CSMD3: variants seen among roughly 807,000 people sequenced by gnomAD.
CSMD3 encodes CUB and Sushi multiple domains 3.
Under a neutral mutation model 435.2 loss-of-function variants are expected in CSMD3, and 177 were observed. The ratio of observed to expected loss-of-function variants is 0.41; its 90% CI spans 0.36 to 0.46. The LOEUF is 0.46. Ranked by LOEUF, CSMD3 falls within the 20% of genes least tolerant of loss-of-function variation. The pLI, the probability that CSMD3 is intolerant of heterozygous loss-of-function variation, is 0.34. For synonymous variants in CSMD3, 1,656 were observed against 1,520.5 expected (o/e 1.09, Z -2.07); for missense variants, 4,265 against 4,504.6 (o/e 0.95, Z 1.52).
intron 3 of CSMD3, among the ~76,000 whole-genome samples, 182 bp downstream of exon 3, chr8:113,278,410 A>G (rs1209810721): frequency 1.3e-5 from 2 of 151,836 alleles, no homozygotes; most frequent in Non-Finnish European, 2.9e-5. Context: ...AGTGATATAA[A>G]ATATTAAAAC....
chr8:112,606,972 G>GAAAAAAAAAA (rs71309778), intron 22 of CSMD3, among the ~76,000 whole-genome samples: 1 of 36,644 alleles, frequency 2.7e-5, no homozygotes, highest in Non-Finnish European at 4.7e-5. Context: ...CTCAAGCTAT[G>GAAAAAAAAAA]AAAAAAAAAA....
At chr8:112,577,293 T>C (rs1830017955) in intron 23 of CSMD3, among the ~76,000 whole-genome samples, 1 of 152,012 alleles carries the variant, frequency 6.6e-6, no homozygotes, top group Non-Finnish European at 1.5e-5. Flanking sequence ...TAACCAAAGA[T>C]AAATTACTTT....
intron 1 of CSMD3, among the ~76,000 whole-genome samples, chr8:113,357,548 A>G (rs1165219590): frequency 6.6e-6 from 1 of 152,242 alleles, no homozygotes; most frequent in Admixed American, 6.5e-5. Flanking sequence ...AATAAACACA[A>G]CGTTGTTGTA....
chr8:112,959,451 C>T (rs907849529), intron 7 of CSMD3, among the ~76,000 whole-genome samples: 1 of 151,826 alleles, frequency 6.6e-6, no homozygotes, highest in Non-Finnish European at 1.5e-5. Flanking sequence ...ACCTATAATT[C>T]AATCATATCA....
chr8:113,082,648 AAAT>A (rs767971131), intron 5 of CSMD3, among the ~76,000 whole-genome samples: 1 of 152,170 alleles, frequency 6.6e-6, no homozygotes, highest in Non-Finnish European at 1.5e-5. Flanking sequence ...AAGGAAATCA[AAAT>A]AATAATTTTA....
intron 20 of CSMD3, among the ~76,000 whole-genome samples, chr8:112,644,681 T>C (rs910135510): frequency 6.6e-6 from 1 of 152,064 alleles, no homozygotes; most frequent in Non-Finnish European, 1.5e-5. Flanking sequence ...ATATAATTGT[T>C]ACAAACAATT....
intron 2 of CSMD3, among the ~76,000 whole-genome samples, chr8:113,300,081 G>A (rs543020183): frequency 1.6e-4 from 24 of 151,592 alleles, no homozygotes; most frequent in African/African-American, 5.6e-4. Context: ...TTGAACCCAG[G>A]AGGCGGAGGC....
intron 13 of CSMD3, among the ~76,000 whole-genome samples, chr8:112,727,274 C>T (rs981406330): frequency 1.3e-5 from 2 of 151,716 alleles, no homozygotes; most frequent in Non-Finnish European, 2.9e-5. Flanking sequence ...TCATGAACTG[C>T]GTCTGATTTT....
Position 112,995,820 on chromosome 8 carries a change from G to T in CSMD3, c.1031-19672C>A, listed in dbSNP as rs142609522. On this transcript the variant is annotated intron_variant, in intron 6 of 70. Coordinates refer to ENST00000297405, the MANE Select transcript of CSMD3 (RefSeq NM_198123.2). Reference sequence around the variant, plus strand: ...ATTTTCTCATATCTGGCTGAATGGGGACATTTTCAGTTGTCTTTACCATTC... The same window carrying T: ...ATTTTCTCATATCTGGCTGAATGGGTACATTTTCAGTTGTCTTTACCATTC... 6.7e-3 allele frequency among the ~76,000 whole-genome samples: 1,007 copies of T among 150,940 alleles called. 12 individuals carry two copies. Among genetic ancestry groups the T allele is most frequent in the African/African-American group, 0.023 (966 of 41,418 alleles).
chr8:112,961,030 A>T (rs528793857), intron 7 of CSMD3, among the ~76,000 whole-genome samples: 1 of 151,894 alleles, frequency 6.6e-6, no homozygotes, highest in Non-Finnish European at 1.5e-5. Flanking sequence ...CTCAATTTTT[A>T]GGTGAAAGAA....
chr8:113,125,696 TAAAG>T (rs981769360), intron 4 of CSMD3, among the ~76,000 whole-genome samples: 19 of 151,976 alleles, frequency 1.3e-4, no homozygotes, highest in African/African-American at 4.3e-4. Flanking sequence ...TGAAACTAAA[TAAAG>T]AAAGTGTTTA....
chr8:112,559,184 A>T (rs1379974584), intron 24 of CSMD3, among the ~76,000 whole-genome samples: 1 of 151,950 alleles, frequency 6.6e-6, no homozygotes, highest in Admixed American at 6.6e-5. Flanking sequence ...AGAGAAATTT[A>T]TGTAACTGTG....
chr8:113,141,122 A>G (rs1409291982), intron 4 of CSMD3, among the ~76,000 whole-genome samples: 1 of 150,942 alleles, frequency 6.6e-6, no homozygotes, highest in Non-Finnish European at 1.5e-5. Context: ...ACAAATTACC[A>G]ACTGTAAAAT....
intron 31 of CSMD3, among the ~76,000 whole-genome samples, chr8:112,484,096 C>A (rs1819890367): frequency 6.6e-6 from 1 of 152,144 alleles, no homozygotes; most frequent in African/African-American, 2.4e-5. Flanking sequence ...CCACCTCAGA[C>A]TTCTAAAGAA....
intron 16 of CSMD3, among the ~76,000 whole-genome samples, chr8:112,669,419 T>A (rs1323461015): frequency 6.6e-6 from 1 of 152,166 alleles, no homozygotes; most frequent in Admixed American, 6.6e-5. Context: ...CAAAAAGTTA[T>A]CCAAACTTAA....
chr8:112,405,320 A>T (rs927996438), intron 35 of CSMD3, among the ~76,000 whole-genome samples: 25 of 145,324 alleles, frequency 1.7e-4, no homozygotes, highest in African/African-American at 6.3e-4. Flanking sequence ...AACTCAAGTC[A>T]TTAGAATTAT....
intron 45 of CSMD3, among the ~76,000 whole-genome samples, chr8:112,324,395 T>C (rs1379225741): frequency 2.0e-5 from 3 of 152,132 alleles, no homozygotes; most frequent in Non-Finnish European, 4.4e-5. Context: ...ACACATTTAA[T>C]TTAGTTGTTT....
chr8:112,364,377 G>A (rs1827555707), intron 38 of CSMD3, among the ~76,000 whole-genome samples: 1 of 151,740 alleles, frequency 6.6e-6, no homozygotes, highest in African/African-American at 2.4e-5. Flanking sequence ...GCCTTCCTCA[G>A]GGACTACGTC....
intron 22 of CSMD3, among the ~76,000 whole-genome samples, chr8:112,617,077 G>A (rs781650181): frequency 2.0e-5 from 3 of 152,206 alleles, no homozygotes; most frequent in Non-Finnish European, 2.9e-5. Flanking sequence ...TGTGACCTAC[G>A]TGGAAATGTT....
Sources: allele counts gnomAD v4.1 joint callset (sites outside exome capture counted in the v4.1 genomes callset), GRCh38; gene constraint gnomAD v4.1.1; transcripts MANE v1.5; gene names NCBI Gene and HGNC (gene_info 2026-07-23, HGNC 2026-07-21).